GATAD2B: variants seen among roughly 807,000 people sequenced by gnomAD.
GATAD2B encodes the protein transcriptional repressor p66-beta.
Under a neutral mutation model 64.3 loss-of-function variants are expected in GATAD2B, and 8 were observed. The ratio of observed to expected loss-of-function variants is 0.12; its 90% CI spans 0.07 to 0.22. The LOEUF is 0.22. Ranked by LOEUF, GATAD2B falls within the 10% of genes least tolerant of loss-of-function variation. The pLI, the probability that GATAD2B is intolerant of heterozygous loss-of-function variation, is 1.00. For missense variants in GATAD2B, 453 were observed against 752.0 expected (o/e 0.60, Z 4.65); for synonymous variants, 281 against 271.3 (o/e 1.04, Z -0.35).
chr1:153,842,082 TC>T (rs1202035732), intron 1 of GATAD2B, among the ~76,000 whole-genome samples: 1 of 152,124 alleles, frequency 6.6e-6, no homozygotes, highest in African/African-American at 2.4e-5. Context: ...CATTCCATCC[TC>T]CTACCTCAGC....
intron 1 of GATAD2B, among the ~76,000 whole-genome samples, chr1:153,859,929 T>A (rs1338896050): frequency 7.1e-6 from 1 of 139,990 alleles, no homozygotes; most frequent in Non-Finnish European, 1.5e-5. Context: ...TTTTTTTTTT[T>A]TTTTTTGAGA....
At position 153,808,635 on chromosome 1, in the gene GATAD2B, T is replaced by C. The variant is rs1192223363; in HGVS notation, c.*1542A>G. The C allele has an allele frequency of 6.6e-6, 1 of 152,264 alleles. No homozygotes were observed. The highest frequency in any genetic ancestry group is 1.5e-5 in the Non-Finnish European group (1 of 67,970). 9.4% of individuals were successfully genotyped at this position (152,264 alleles called of 1,614,324 possible). A position where few individuals can be genotyped will look rare whatever the true frequency, so the allele number is the denominator to read the frequency against. On this transcript the variant is annotated 3_prime_UTR_variant, in exon 11 of 11. Coordinates refer to ENST00000368655, the MANE Select transcript of GATAD2B (RefSeq NM_020699.4). ...GCCAGAGAGGCAGGTGGGTGTACACTATGAGAAGAGCAGAAACCCGTACCT... is the reference window on the plus strand; with the variant it reads ...GCCAGAGAGGCAGGTGGGTGTACACCATGAGAAGAGCAGAAACCCGTACCT...
Position 153,875,494 on chromosome 1 carries a change from A to C in GATAD2B, c.-1-47146T>G, listed in dbSNP as rs147355776. ...TTGATCTATACCATGCGGTTCTTAC[A>C]AACTTCTTCTGTAAAGGACCAGATA... On this transcript the variant is annotated intron_variant, in intron 1 of 10. Coordinates refer to ENST00000368655, the MANE Select transcript of GATAD2B (RefSeq NM_020699.4). 3.4e-3 allele frequency among the ~76,000 whole-genome samples: 517 copies of C among 152,262 alleles called. 4 individuals are homozygous for C. The East Asian group carries it at 0.04, about 12-fold the overall frequency.
In GATAD2B at chr1:153,922,900, A is replaced by G. The variant is rs1055618551; in HGVS notation, c.-169T>C. 1.3e-5 allele frequency: 2 copies of G among 153,154 alleles called. No individual in the cohort carries two copies. Among genetic ancestry groups the G allele is most frequent in the East Asian group, 1.9e-4 (1 of 5,146 alleles). The allele number at this position is 153,154 out of a possible 1,614,324, so 9.5% of individuals were successfully genotyped here. On this transcript the variant is annotated 5_prime_UTR_variant, in exon 1 of 11. Transcript: ENST00000368655. ...ACCGGGGCGGGCGGGCGGAGCAGAC[A>G]CTGCGGTACAGACGGGGGCAGCGGC...
intron 1 of GATAD2B, among the ~76,000 whole-genome samples, chr1:153,890,244 C>G (rs1677333249): frequency 1.3e-5 from 2 of 150,900 alleles, no homozygotes; most frequent in South Asian, 4.2e-4. Context: ...AATCCCAACA[C>G]TATGGGAGGC....
chr1:153,845,698 C>T (rs543735996), intron 1 of GATAD2B, among the ~76,000 whole-genome samples: 2 of 152,066 alleles, frequency 1.3e-5, no homozygotes, highest in African/African-American at 4.8e-5. Context: ...GAGGTTGAGG[C>T]TGCAGTGAGC....
At position 153,816,821 on chromosome 1, in the gene GATAD2B, C is replaced by T. The variant is rs1457110322; in HGVS notation, c.901-233G>A. On this transcript the variant is annotated intron_variant, in intron 6 of 10. Transcript: ENST00000368655. This position sits in a 1 kb window ranked among gnomAD's most constrained non-coding sequence, Gnocchi z 4.9. ...AATAAAGGCCACGCGTGGTGGCTCA[C>T]GCCTATAATCTCAGCACTTTGGGAG... is the stretch of plus-strand genomic sequence containing the variant. Among the ~76,000 whole-genome samples, 1 of 152,196 alleles carries T rather than the reference C, an allele frequency of 6.6e-6. No homozygotes were observed. The highest frequency in any genetic ancestry group is 2.4e-5 in the African/African-American group (1 of 41,444).
intron 1 of GATAD2B, among the ~76,000 whole-genome samples, chr1:153,898,353 A>G (rs1677667378): frequency 6.6e-6 from 1 of 151,532 alleles, no homozygotes; most frequent in African/African-American, 2.4e-5. Flanking sequence ...AACAAAAACA[A>G]AAAGAAAAGA....
rs1200320702 is a variant in GATAD2B, at chr1:153,808,149, C to A, written c.*2028G>T. 1.3e-5 allele frequency: 2 copies of A among 152,564 alleles called. No homozygotes were observed. Among genetic ancestry groups the A allele is most frequent in the Non-Finnish European group, 2.9e-5 (2 of 68,030 alleles). The allele number at this position is 152,564 out of a possible 1,614,324, so 9.5% of individuals were successfully genotyped here. A position where few individuals can be genotyped will look rare whatever the true frequency, so the allele number is the denominator to read the frequency against. ...CCACCACTTACAGTCAGGGGTACCACATTCCCCGGAAAAATACTCAAAAAA... is the reference window on the plus strand; with the variant it reads ...CCACCACTTACAGTCAGGGGTACCAAATTCCCCGGAAAAATACTCAAAAAA... On this transcript the variant is annotated 3_prime_UTR_variant, in exon 11 of 11. Transcript: ENST00000368655.
intron 1 of GATAD2B, among the ~76,000 whole-genome samples, chr1:153,844,070 T>G (rs1256339760): frequency 6.6e-6 from 1 of 152,036 alleles, no homozygotes. Context: ...GGCAGCCAGA[T>G]TTCAAAGGAC....
At chr1:153,866,804 A>T (rs1413700065) in intron 1 of GATAD2B, among the ~76,000 whole-genome samples, 1 of 152,136 alleles carries the variant, frequency 6.6e-6, no homozygotes, top group Admixed American at 6.5e-5. Context: ...TTGTTTTGAG[A>T]CGGAGTCTTG....
At chr1:153,838,362 T>C (rs1675349158) in intron 1 of GATAD2B, among the ~76,000 whole-genome samples, 1 of 152,222 alleles carries the variant, frequency 6.6e-6, no homozygotes. Flanking sequence ...GATGTGCATA[T>C]AACAAAAATA....
At chr1:153,826,685 G>T (rs1241426086) in intron 2 of GATAD2B, among the ~76,000 whole-genome samples, 1 of 150,754 alleles carries the variant, frequency 6.6e-6, no homozygotes, top group Admixed American at 6.6e-5. Context: ...CACAACAGTA[G>T]TCCCAGCACT....
chr1:153,815,282 AAAAAAAAAAAC>A (rs1478220126), intron 7 of GATAD2B, among the ~76,000 whole-genome samples: 7 of 140,858 alleles, frequency 5.0e-5, no homozygotes, highest in Non-Finnish European at 7.8e-5. Flanking sequence ...CAAAAAAACA[AAAAAAAAAAAC>A]AAAAAAAAAA....
At chr1:153,895,321 G>A (rs1457212993) in intron 1 of GATAD2B, among the ~76,000 whole-genome samples, 5 of 150,082 alleles carry the variant, frequency 3.3e-5, no homozygotes, top group African/African-American at 1.2e-4. Flanking sequence ...GTGACAGAGC[G>A]AGACTCCATC....
chr1:153,827,930 C>A lies in GATAD2B; in HGVS notation c.335+83G>T, dbSNP rs373994941. 2.2e-3 allele frequency: 2,059 copies of A among 928,230 alleles called. 34 individuals carry two copies. Among genetic ancestry groups the A allele is most frequent in the South Asian group, 0.019 (1,199 of 63,136 alleles). The allele number at this position is 928,230 out of a possible 1,614,324, so 57.5% of individuals were successfully genotyped here. A position where few individuals can be genotyped will look rare whatever the true frequency, so the allele number is the denominator to read the frequency against. Reference sequence around the variant, plus strand: ...TTAAGAATCTTTAGGATGAAAAACACCCTCCTCTCATTGGAATTCATTCCA... The same window carrying A: ...TTAAGAATCTTTAGGATGAAAAACAACCTCCTCTCATTGGAATTCATTCCA... On this transcript the variant is annotated intron_variant, in intron 2 of 10. Coordinates refer to ENST00000368655, the MANE Select transcript of GATAD2B (RefSeq NM_020699.4).
rs1264896910 is a variant in GATAD2B, at chr1:153,812,088, A to T, written c.1464T>A (p.Thr488=). The T allele has an allele frequency of 6.2e-7, 1 of 1,612,868 alleles. No individual in the cohort carries two copies. The highest frequency in any genetic ancestry group is 8.5e-7 in the Non-Finnish European group (1 of 1,179,214). ...RLQQQAALSP[T]TAPAVSSVSK... ...TGACACTGGACACAGCTGGAGCCGT[A>T]GTGGGGGAGAGGGCTGCCTGCTGCT... The change falls in exon 9 of 11, where the codon ACT becomes ACA. Residue 488 remains threonine, a synonymous_variant. Coordinates refer to ENST00000368655, the MANE Select transcript of GATAD2B (RefSeq NM_020699.4).
chr1:153,812,356 T>C (rs1266602452), intron 8 of GATAD2B: 9 of 507,288 alleles, frequency 1.8e-5, no homozygotes, highest in Admixed American at 7.1e-5. Flanking sequence ...CCAGAAAACC[T>C]GGAGGTGTTC....
chr1:153,842,885 C>A (rs1274821511), intron 1 of GATAD2B, among the ~76,000 whole-genome samples: 1 of 151,434 alleles, frequency 6.6e-6, no homozygotes, highest in Non-Finnish European at 1.5e-5. Flanking sequence ...AAACTCCTGA[C>A]CTCAGGTGAT....
Sources: gnomAD v4.1 joint callset for allele counts (sites outside exome capture counted in the v4.1 genomes callset) on GRCh38, gnomAD v4.1.1 for gene constraint, Gnocchi (gnomAD v3.1) non-coding constraint, MANE v1.5 for transcripts, NCBI Gene and HGNC (gene_info 2026-07-23, HGNC 2026-07-21) for gene names.